Variants in SLC1A1 observed in about 807,000 individuals in gnomAD.
The protein encoded by SLC1A1 is excitatory amino acid transporter 3.
In SLC1A1, 43 loss-of-function variants were observed where a neutral mutation model predicts 53.3. The observed-to-expected ratio is 0.81, with a 90% CI of 0.63 to 1.04. SLC1A1 has a LOEUF of 1.04. Ranked by LOEUF, SLC1A1 falls within the 50% of genes least tolerant of loss-of-function variation. The pLI is 0.00. For synonymous variants in SLC1A1, 307 were observed against 243.2 expected, an observed-to-expected ratio of 1.26 and a Z score of -2.44; for missense variants, 748 against 664.9, an observed-to-expected ratio of 1.12 and a Z score of -1.37.
intron 1 of SLC1A1, among the ~76,000 whole-genome samples, chr9:4,516,291 G>T (rs533138138): frequency 2.6e-4 from 40 of 152,270 alleles, no homozygotes; most frequent in Non-Finnish European, 4.4e-4. Flanking sequence ...CTGGCTCCTG[G>T]CAGATTGCAC....
At chr9:4,557,799 T>C (rs1818561107) in intron 2 of SLC1A1, among the ~76,000 whole-genome samples, 1 of 152,110 alleles carries the variant, frequency 6.6e-6, no homozygotes. Context: ...TAGTCTAGAA[T>C]TTTGTAGCAC....
chr9:4,568,066 A>T (rs1819654939), intron 6 of SLC1A1, among the ~76,000 whole-genome samples: 1 of 152,060 alleles, frequency 6.6e-6, no homozygotes, highest in African/African-American at 2.4e-5. Context: ...TCCCTTTTGC[A>T]GTGTGTTTAG....
In SLC1A1 at chr9:4,557,062, G is replaced by C. The variant is rs1282186777; in HGVS notation, c.233-4387G>C. 2.0e-5 allele frequency among the ~76,000 whole-genome samples: 3 copies of C among 152,120 alleles called. No individual in the cohort carries two copies. The East Asian group carries it at 5.8e-4, about 29-fold the overall frequency. Reference sequence around the variant, plus strand: ...CACCATGTATAAGCGGTTTCTAAGGGGACTACCTGCTGAGGTCCAAGTTTC... The same window carrying C: ...CACCATGTATAAGCGGTTTCTAAGGCGACTACCTGCTGAGGTCCAAGTTTC... On this transcript the variant is annotated intron_variant, in intron 2 of 11. Transcript: ENST00000262352.
intron 1 of SLC1A1, among the ~76,000 whole-genome samples, chr9:4,495,706 G>A (rs1305760957): frequency 6.6e-6 from 1 of 151,596 alleles, no homozygotes; most frequent in East Asian, 1.9e-4. Context: ...GCTGGGGGCA[G>A]AGCAATAGGG....
intron 1 of SLC1A1, among the ~76,000 whole-genome samples, chr9:4,530,410 A>G (rs1278186605): frequency 6.6e-6 from 1 of 152,218 alleles, no homozygotes; most frequent in Non-Finnish European, 1.5e-5. Flanking sequence ...TCAAGATCCA[A>G]GCGTCCTGGG....
chr9:4,499,649 C>G (rs577267560), intron 1 of SLC1A1, among the ~76,000 whole-genome samples: 1 of 152,350 alleles, frequency 6.6e-6, no homozygotes, highest in Non-Finnish European at 1.5e-5. Flanking sequence ...ACATATTAGA[C>G]TCTGCACATG....
At chr9:4,566,705 A>T (rs563595402) in intron 5 of SLC1A1, among the ~76,000 whole-genome samples, 39 of 152,318 alleles carry the variant, frequency 2.6e-4, no homozygotes, top group Middle Eastern at 3.4e-3. Flanking sequence ...TTTAAAAAAA[A>T]ATATAAAAAA....
At chr9:4,512,267 CT>C (rs1264534487) in intron 1 of SLC1A1, among the ~76,000 whole-genome samples, 4 of 152,150 alleles carry the variant, frequency 2.6e-5, no homozygotes, top group Admixed American at 6.5e-5. Context: ...AATCCCAGCA[CT>C]TTGGGAGGCT....
chr9:4,549,015 T>A lies in SLC1A1; in HGVS notation c.232+4308T>A, dbSNP rs1817709968. On this transcript the variant is annotated intron_variant, in intron 2 of 11. Transcript: ENST00000262352. This position sits in a 1 kb window ranked among gnomAD's most constrained non-coding sequence, Gnocchi z 4.1. ...AATAGCTTATGAATATGCCTGAGAA[T>A]TGTGGCTCTGGAAAAATCCTGGTCC... Among the ~76,000 whole-genome samples, 1 of 152,210 alleles carries A rather than the reference T, an allele frequency of 6.6e-6. No homozygotes were observed. The highest frequency in any genetic ancestry group is 2.4e-5 in the African/African-American group (1 of 41,458).
At position 4,549,470 on chromosome 9, in the gene SLC1A1, T is replaced by C. The variant is rs1294302852; in HGVS notation, c.232+4763T>C. On this transcript the variant is annotated intron_variant, in intron 2 of 11. Transcript: ENST00000262352. This position sits in a 1 kb window ranked among gnomAD's most constrained non-coding sequence, Gnocchi z 4.1. ...TGAAACACCAATGGTGACATCCAAC[T>C]GCTCCCTGAAGGGGCTCCCAGGGCC... 1.3e-5 allele frequency among the ~76,000 whole-genome samples: 2 copies of C among 152,302 alleles called. No individual in the cohort carries two copies. Among genetic ancestry groups the C allele is most frequent in the Non-Finnish European group, 2.9e-5 (2 of 68,020 alleles).
rs747642695 is a variant in SLC1A1, at chr9:4,585,900, GT to G, written c.*346del. ...AATGCTTTCTCATGCATAGACAAGT[GT>G]TTTGGGTTTTTAAAAAAAATATTCT... On this transcript the variant is annotated 3_prime_UTR_variant, in exon 12 of 12. Transcript: ENST00000262352. 1 of 219,158 alleles carries G rather than the reference GT, an allele frequency of 4.6e-6. No individual in the cohort carries two copies. Among genetic ancestry groups the G allele is most frequent in the Non-Finnish European group, 9.2e-6 (1 of 109,046 alleles). 13.6% of individuals were successfully genotyped at this position (219,158 alleles called of 1,614,324 possible).
chr9:4,573,213 G>A (rs1461663011), intron 7 of SLC1A1, among the ~76,000 whole-genome samples: 1 of 152,128 alleles, frequency 6.6e-6, no homozygotes, highest in African/African-American at 2.4e-5. Context: ...GGATGCATCT[G>A]TCTCGCTTAC....
At chr9:4,581,277 T>C (rs1821073791) in intron 10 of SLC1A1, among the ~76,000 whole-genome samples, 1 of 152,192 alleles carries the variant, frequency 6.6e-6, no homozygotes, top group Admixed American at 6.5e-5. Context: ...AGGACCTCAG[T>C]GTGAGGAAAG....
chr9:4,515,792 C>T (rs1186873477), intron 1 of SLC1A1, among the ~76,000 whole-genome samples: 1 of 152,204 alleles, frequency 6.6e-6, no homozygotes, highest in Non-Finnish European at 1.5e-5. Flanking sequence ...CAAGGGTCCT[C>T]TTCCACCTCT....
chr9:4,504,478 G>A (rs1283650468), intron 1 of SLC1A1, among the ~76,000 whole-genome samples: 1 of 152,144 alleles, frequency 6.6e-6, no homozygotes, highest in Non-Finnish European at 1.5e-5. Context: ...CCAAAGAGTC[G>A]GAAAATAAGT....
intron 10 of SLC1A1, among the ~76,000 whole-genome samples, chr9:4,580,933 C>T (rs974044984): frequency 4.6e-5 from 7 of 152,064 alleles, no homozygotes; most frequent in African/African-American, 9.7e-5. Context: ...CTCTGGGATA[C>T]GTGTGCAGAA....
intron 1 of SLC1A1, among the ~76,000 whole-genome samples, chr9:4,532,856 G>A (rs1000434448): frequency 6.6e-6 from 1 of 152,180 alleles, no homozygotes; most frequent in Non-Finnish European, 1.5e-5. Context: ...CAGACTAACA[G>A]CTGATCTCTC....
chr9:4,555,632 T>C (rs1195406590), intron 2 of SLC1A1, among the ~76,000 whole-genome samples: 1 of 152,224 alleles, frequency 6.6e-6, no homozygotes, highest in Non-Finnish European at 1.5e-5. Context: ...CCGGGGATTT[T>C]ATCCCTGTTT....
intron 1 of SLC1A1, among the ~76,000 whole-genome samples, chr9:4,530,519 A>T (rs1358556198): frequency 2.6e-5 from 4 of 152,174 alleles, no homozygotes; most frequent in Non-Finnish European, 4.4e-5. Context: ...ATCCTACCCT[A>T]GAGAAACCCA....
Sources: allele counts gnomAD v4.1 joint callset (sites outside exome capture counted in the v4.1 genomes callset), GRCh38; gene constraint gnomAD v4.1.1; non-coding constraint Gnocchi (gnomAD v3.1); transcripts MANE v1.5; gene names NCBI Gene and HGNC (gene_info 2026-07-23, HGNC 2026-07-21).